The following SRGAP3 variants were observed in gnomAD, a reference collection of about 807,000 sequenced individuals.
SRGAP3 encodes the protein SLIT-ROBO Rho GTPase-activating protein 3.
Under a neutral mutation model 121.1 loss-of-function variants are expected in SRGAP3, and 39 were observed. The ratio of observed to expected loss-of-function variants is 0.32; its 90% CI spans 0.25 to 0.42. SRGAP3 has a LOEUF of 0.42. Ranked by LOEUF, SRGAP3 falls within the 10% of genes least tolerant of loss-of-function variation. The pLI is 1.00. For missense variants in SRGAP3, 1,213 were observed against 1,470.6 expected, an observed-to-expected ratio of 0.82 and a Z score of 2.86; for synonymous variants, 601 against 570.0, an observed-to-expected ratio of 1.05 and a Z score of -0.77.
chr3:9,015,702 C>T lies in SRGAP3; in HGVS notation c.1708G>A (p.Glu570Lys). 2 of 1,614,140 alleles carry T rather than the reference C, an allele frequency of 1.2e-6. No homozygotes were observed. Among genetic ancestry groups the T allele is most frequent in the Non-Finnish European group, 1.7e-6 (2 of 1,180,030 alleles). Reference protein sequence around the residue: ...GEDPLVDDQNERDINSVAGVL... With the variant: ...GEDPLVDDQNKRDINSVAGVL... The stretch of plus-strand genomic sequence containing the variant: ...CCAGCGACTGAATTGATATCTCGTT[C>T]ATTTTGATCGTCCACAAGGGGGTCT... Residue 570 changes from glutamate (E) to lysine (K), a missense_variant, in exon 15 of 22, where the codon GAA becomes AAA. Transcript: ENST00000383836.
At chr3:9,015,480 G>A (rs924629189) in intron 15 of SRGAP3, 117 bp downstream of exon 15, 17 of 1,356,498 alleles carry the variant, frequency 1.3e-5, no homozygotes, top group African/African-American at 1.0e-4. Flanking sequence ...GAGGATGCAC[G>A]TCACACTTCG....
At chr3:9,136,005 G>C (rs545649474) in intron 1 of SRGAP3, among the ~76,000 whole-genome samples, 73 of 152,368 alleles carry the variant, frequency 4.8e-4, no homozygotes, top group African/African-American at 1.7e-3. Flanking sequence ...TGTAGTCATG[G>C]ACCGTGAGCA....
intron 3 of SRGAP3, among the ~76,000 whole-genome samples, chr3:9,296,622 T>C (rs867973348): frequency 2.8e-4 from 43 of 152,364 alleles, no homozygotes; most frequent in African/African-American, 1.0e-3. Context: ...TCAGATTGCC[T>C]GAATGCTCAG....
intron 3 of SRGAP3, among the ~76,000 whole-genome samples, chr3:9,101,703 C>A (rs1276972871): frequency 6.6e-6 from 1 of 152,178 alleles, no homozygotes; most frequent in African/African-American, 2.4e-5. Context: ...GCCCCGCATG[C>A]CCGAAGCCAG....
rs1368478302 is a variant in SRGAP3, at chr3:8,985,584, G to C, written c.3235C>G (p.Pro1079Ala). Residue 1079 changes from proline to alanine, a missense_variant, in exon 22 of 22, where the codon CCG (proline) becomes GCG (alanine). Physicochemically the swap from Pro to Ala is conservative, Grantham distance 27. Coordinates refer to ENST00000383836, the MANE Select transcript of SRGAP3 (RefSeq NM_014850.4). This position sits in a 1 kb window ranked among gnomAD's most constrained non-coding sequence, Gnocchi z 5.1. The stretch of plus-strand genomic sequence containing the variant: ...ATCTTCTCGGTGGGCGTCACGGCCG[G>C]GCTGCCCACGCCCGAGCTGCTGCTG... ...SSSSSSGVGS[P>A]AVTPTEKMFP... 6.5e-7 allele frequency: 1 copy of C among 1,549,874 alleles called. No individual in the cohort carries two copies. The highest frequency in any genetic ancestry group is 1.1e-5 in the South Asian group (1 of 88,548).
intron 3 of SRGAP3, among the ~76,000 whole-genome samples, chr3:9,305,301 C>T (rs1437037986): frequency 8.1e-5 from 12 of 148,216 alleles, no homozygotes; most frequent in African/African-American, 2.2e-4. Context: ...GACCTCCACG[C>T]GAACGCTGCG....
intron 18 of SRGAP3, among the ~76,000 whole-genome samples, chr3:9,003,901 T>C (rs990562689): frequency 5.9e-5 from 9 of 152,014 alleles, no homozygotes; most frequent in African/African-American, 1.9e-4. Context: ...GCTGGGCCAA[T>C]TGGGCAAGAA....
intron 15 of SRGAP3, chr3:9,014,176 G>A (rs888743530): frequency 2.5e-6 from 1 of 406,412 alleles, no homozygotes; most frequent in Admixed American, 3.5e-5. Context: ...TCCCACCTAA[G>A]AGTGAAGCTG....
intron 3 of SRGAP3, among the ~76,000 whole-genome samples, chr3:9,295,645 A>C (rs1362875416): frequency 8.2e-6 from 1 of 121,618 alleles, no homozygotes; most frequent in Non-Finnish European, 1.9e-5. Flanking sequence ...AATACACATA[A>C]CATAAATTTT....
chr3:9,052,995 C>G, intron 9 of SRGAP3, 32 bp downstream of exon 9: 4 of 1,610,098 alleles, frequency 2.5e-6, no homozygotes, highest in Non-Finnish European at 3.4e-6. Context: ...GCTTGGCCGA[C>G]AGTGTGGTTC....
chr3:9,223,082 G>A (rs753173867), intron 1 of SRGAP3, among the ~76,000 whole-genome samples: 23 of 152,310 alleles, frequency 1.5e-4, no homozygotes, highest in African/African-American at 4.3e-4. Flanking sequence ...AAGATATACC[G>A]CAGGATGCTT....
intron 3 of SRGAP3, among the ~76,000 whole-genome samples, chr3:9,258,544 C>G (rs1157995413): frequency 4.6e-5 from 7 of 152,164 alleles, no homozygotes; most frequent in Non-Finnish European, 1.0e-4. Context: ...CAGACTAGAA[C>G]AGGCAAGACA....
At chr3:8,991,921 G>A (rs996012696) in intron 20 of SRGAP3, among the ~76,000 whole-genome samples, 7 of 152,162 alleles carry the variant, frequency 4.6e-5, no homozygotes, top group Non-Finnish European at 1.0e-4. Flanking sequence ...GTGAGGGCGG[G>A]GGACAAGGGA....
rs200986483 is a variant in SRGAP3, at chr3:9,027,015, T to C, written c.1540-20A>G. On this transcript the variant is annotated intron_variant, in intron 12 of 21. Coordinates refer to ENST00000383836, the MANE Select transcript of SRGAP3 (RefSeq NM_014850.4). ...TGAATCCTTGAGAAAAGAAAAATTG[T>C]GAGTTTTATGGGGCTTGACAACCAC... 2 of 1,613,208 alleles carry C rather than the reference T, an allele frequency of 1.2e-6. No individual in the cohort carries two copies. The highest frequency in any genetic ancestry group is 1.7e-5 in the Admixed American group (1 of 60,012).
chr3:9,137,873 C>A (rs1213104201), intron 1 of SRGAP3, among the ~76,000 whole-genome samples: 1 of 152,210 alleles, frequency 6.6e-6, no homozygotes, highest in African/African-American at 2.4e-5. Context: ...CAAAGAACAG[C>A]CAGAGTGAGG....
At chr3:9,130,053 C>T (rs1208550509) in intron 1 of SRGAP3, among the ~76,000 whole-genome samples, 3 of 152,128 alleles carry the variant, frequency 2.0e-5, no homozygotes, top group Non-Finnish European at 2.9e-5. Context: ...TGAGCCACCA[C>T]GCCCAGCCTA....
chr3:8,982,286 A>G lies in SRGAP3; in HGVS notation c.*3233T>C, dbSNP rs1941457447. 1.3e-5 allele frequency: 3 copies of G among 227,054 alleles called. No individual in the cohort carries two copies. Among genetic ancestry groups the G allele is most frequent in the Non-Finnish European group, 2.6e-5 (3 of 113,974 alleles). 14.1% of individuals were successfully genotyped at this position (227,054 alleles called of 1,614,324 possible). Reference sequence around the variant, plus strand: ...GAAAAGAAATCATTCCATGAAGCAAAGAAAAAAAAATGCCCGTTGTCAACT... The same window carrying G: ...GAAAAGAAATCATTCCATGAAGCAAGGAAAAAAAAATGCCCGTTGTCAACT... On this transcript the variant is annotated 3_prime_UTR_variant, in exon 22 of 22. Coordinates refer to ENST00000383836, the MANE Select transcript of SRGAP3 (RefSeq NM_014850.4).
chr3:9,265,280 A>C (rs1328190525), intron 3 of SRGAP3, among the ~76,000 whole-genome samples: 2 of 152,342 alleles, frequency 1.3e-5, no homozygotes, highest in East Asian at 1.9e-4. Flanking sequence ...TCTACAAGAA[A>C]ACCTAGGCAA....
In SRGAP3 at chr3:8,990,631, T is replaced by C. The variant is rs936126505; in HGVS notation, c.2767A>G (p.Ile923Val). Residue 923 changes from isoleucine to valine, a missense_variant, in exon 21 of 22, where the codon ATC becomes GTC. Around this residue, in one of 2 missense-constraint regions of SRGAP3, gnomAD observed 420 missense variants for 437.7 expected, o/e 0.96. Coordinates refer to ENST00000383836, the MANE Select transcript of SRGAP3 (RefSeq NM_014850.4). Reference protein sequence around the residue: ...RMATFGSAGSINYPDKKALSE... With the variant: ...RMATFGSAGSVNYPDKKALSE... ...AGCGCCTTCTTGTCAGGGTAGTTGA[T>C]GCTGCCAGCGCTCCCGAACGTCGCC... 6.2e-7 allele frequency: 1 copy of C among 1,613,482 alleles called. No homozygotes were observed. Among genetic ancestry groups the C allele is most frequent in the Non-Finnish European group, 8.5e-7 (1 of 1,179,876 alleles).
Sources: gnomAD v4.1 joint callset for allele counts (sites outside exome capture counted in the v4.1 genomes callset) on GRCh38, gnomAD v4.1.1 for gene constraint, gnomAD v4.1.1 regional missense constraint, Gnocchi (gnomAD v3.1) non-coding constraint, MANE v1.5 for transcripts, NCBI Gene and HGNC (gene_info 2026-07-23, HGNC 2026-07-21) for gene names.